The following IL17RD variants were observed in gnomAD, a reference collection of about 807,000 sequenced individuals.
IL17RD encodes the protein interleukin-17 receptor D.
Under a neutral mutation model 80.5 loss-of-function variants are expected in IL17RD, and 52 were observed. The observed-to-expected ratio is 0.65, with a 90% CI of 0.52 to 0.81. The LOEUF is 0.81. Among genes scored for constraint, IL17RD ranks in the 40% least tolerant of loss-of-function variants. IL17RD has a pLI of 0.00. For missense variants in IL17RD, 1,024 were observed against 955.1 expected (o/e 1.07, Z -0.95); for synonymous variants, 416 against 391.8 (o/e 1.06, Z -0.73).
intron 3 of IL17RD, among the ~76,000 whole-genome samples, chr3:57,113,488 C>T (rs957343940): frequency 9.2e-5 from 14 of 152,140 alleles, no homozygotes; most frequent in Admixed American, 5.9e-4. Context: ...CCACCTGCCT[C>T]GGCCTCCCTA....
intron 11 of IL17RD, among the ~76,000 whole-genome samples, chr3:57,100,741 C>T (rs1290063544): frequency 2.0e-5 from 3 of 152,176 alleles, no homozygotes; most frequent in Non-Finnish European, 2.9e-5. Flanking sequence ...TTCCCCTTCT[C>T]AGCAGAACTC....
intron 1 of IL17RD, among the ~76,000 whole-genome samples, chr3:57,139,439 A>G (rs1707789245): frequency 6.6e-6 from 1 of 151,822 alleles, no homozygotes; most frequent in African/African-American, 2.4e-5. Flanking sequence ...TTTTGAACTG[A>G]ATGTGAATTT....
chr3:57,117,098 A>G (rs1310608391), intron 2 of IL17RD, among the ~76,000 whole-genome samples: 1 of 145,740 alleles, frequency 6.9e-6, no homozygotes, highest in African/African-American at 2.5e-5. Flanking sequence ...TAGTTATGCA[A>G]TATAAAGTTT....
Position 57,092,628 on chromosome 3 carries a change from T to C in IL17RD, c.*3765A>G, listed in dbSNP as rs1706584797. ...GAAATTGTTCCCAGCATTTTTTAAA[T>C]TGAGAGAGCATAAATCTGATTCTGA... On this transcript the variant is annotated 3_prime_UTR_variant, in exon 13 of 13. Coordinates refer to ENST00000296318, the MANE Select transcript of IL17RD (RefSeq NM_017563.5). 6.6e-6 allele frequency: 1 copy of C among 152,118 alleles called. No homozygotes were observed. Among genetic ancestry groups the C allele is most frequent in the South Asian group, 2.1e-4 (1 of 4,824 alleles). The allele number at this position is 152,118 out of a possible 1,614,324, so 9.4% of individuals were successfully genotyped here.
rs757833260 is a variant in IL17RD, at chr3:57,098,371, C to A, written c.1332G>T (p.Ser444=). Residue 444 remains serine, a synonymous_variant, in exon 12 of 13, where the codon TCG becomes TCT. Coordinates refer to ENST00000296318, the MANE Select transcript of IL17RD (RefSeq NM_017563.5). ...CCACCAGGAAGAGCTCTCCTTTCCC[C>A]GAGCCTCGGCCACCTCCTTTGTGTT... is the stretch of plus-strand genomic sequence containing the variant. ...NYKHKGGGRG[S]GKGELFLVAV... 1 of 1,614,028 alleles carries A rather than the reference C, an allele frequency of 6.2e-7. No individual in the cohort carries two copies. Among genetic ancestry groups the A allele is most frequent in the African/African-American group, 1.3e-5 (1 of 75,054 alleles).
rs780144197 is a variant in IL17RD at position 57,097,794 on chromosome 3, G to T, written c.1909C>A (p.Leu637Ile). 13 of 1,604,820 alleles carry T rather than the reference G, an allele frequency of 8.1e-6. No homozygotes were observed. The highest frequency in any genetic ancestry group is 1.3e-5 in the African/African-American group (1 of 74,766). The change falls in exon 12 of 13, where the codon CTT (leucine) becomes ATT (isoleucine). Residue 637 changes from leucine (L) to isoleucine (I), a missense_variant. Coordinates refer to ENST00000296318, the MANE Select transcript of IL17RD (RefSeq NM_017563.5). The stretch of plus-strand genomic sequence containing the variant: ...GGTTGCAGGGCGGCGCTACCGTCAA[G>T]GGCAGGCCGGGCCTCCCCGTCTTGG... ...LDQDGEARPA[L>I]DGSAALQPLL...
intron 1 of IL17RD, among the ~76,000 whole-genome samples, chr3:57,124,323 A>G (rs1464980873): frequency 2.0e-5 from 3 of 152,200 alleles, no homozygotes; most frequent in Admixed American, 6.5e-5. Context: ...GCTATTTTAC[A>G]GAGCAAAAGG....
chr3:57,166,099 A>C (rs568684824), upstream of IL17RD, among the ~76,000 whole-genome samples: 6 of 152,290 alleles, frequency 3.9e-5, no homozygotes, highest in African/African-American at 1.4e-4. Context: ...AGTGGATATT[A>C]TTTCTGTTTG....
chr3:57,134,381 G>C (rs1707676703), intron 1 of IL17RD: 4 of 698,982 alleles, frequency 5.7e-6, no homozygotes, highest in Non-Finnish European at 1.1e-5. Flanking sequence ...GTAAGCGAAA[G>C]GGTACAGCCA....
chr3:57,147,079 C>T (rs963196356), intron 1 of IL17RD, among the ~76,000 whole-genome samples: 2 of 148,884 alleles, frequency 1.3e-5, no homozygotes, highest in Non-Finnish European at 3.0e-5. Context: ...TCAGGTGATT[C>T]GTCCACCTTG....
chr3:57,151,922 T>C (rs1195539893), intron 1 of IL17RD, among the ~76,000 whole-genome samples: 1 of 152,146 alleles, frequency 6.6e-6, no homozygotes, highest in Non-Finnish European at 1.5e-5. Context: ...ACCACTGCTC[T>C]AAATCAAAGT....
At chr3:57,109,501 T>C (rs1191913494) in intron 5 of IL17RD, 36 bp downstream of exon 5, 1 of 1,593,136 alleles carries the variant, frequency 6.3e-7, no homozygotes. Context: ...GAGAAAAGTC[T>C]TCTCATGGGA....
In IL17RD at chr3:57,103,115, CT is replaced by C; in HGVS notation, c.843del (p.Val282Ter). On this transcript the variant is annotated frameshift_variant, in exon 9 of 13. Transcript: ENST00000296318. LOFTEE classifies it high-confidence loss of function. ...CCTGGCTTTAAGGCATAATGCATCA[CT>C]TTTCTTGTTGTGTTAGTGTCATCCA... ...ELVDDTNTTR[K>X]VMHYALKPVH... The C allele has an allele frequency of 6.2e-7, 1 of 1,602,948 alleles. No individual in the cohort carries two copies. The highest frequency in any genetic ancestry group is 8.5e-7 in the Non-Finnish European group (1 of 1,174,242).
chr3:57,133,815 A>T (rs1707663499), intron 1 of IL17RD, among the ~76,000 whole-genome samples: 1 of 152,246 alleles, frequency 6.6e-6, no homozygotes, highest in Non-Finnish European at 1.5e-5. Context: ...GTGTGTTCCT[A>T]GTCCTCTCCT....
chr3:57,131,148 A>G (rs1247255671), intron 1 of IL17RD, among the ~76,000 whole-genome samples: 1 of 105,556 alleles, frequency 9.5e-6, no homozygotes, highest in Non-Finnish European at 1.9e-5. Flanking sequence ...ACCCCCTCCT[A>G]CCTCAGCTGT....
intron 1 of IL17RD, among the ~76,000 whole-genome samples, chr3:57,163,790 G>GGGCGGGGGGGGAAGGGGGT (rs2060323854): frequency 9.6e-6 from 1 of 104,258 alleles, no homozygotes; most frequent in Non-Finnish European, 1.9e-5. Flanking sequence ...TGGGGCGGGG[G>GGGCGGGGGGGGAAGGGGGT]GGCGGGGGGG....
At chr3:57,119,075 G>A (rs371428914) in intron 2 of IL17RD, among the ~76,000 whole-genome samples, 13 of 151,540 alleles carry the variant, frequency 8.6e-5, no homozygotes, top group Admixed American at 6.6e-4. Flanking sequence ...GTGTGTGGCC[G>A]GGCGCGGTGG....
At chr3:57,163,305 G>A (rs1301400065) in intron 1 of IL17RD, among the ~76,000 whole-genome samples, 3 of 152,200 alleles carry the variant, frequency 2.0e-5, no homozygotes, top group African/African-American at 7.2e-5. Context: ...AGGGGCTGTG[G>A]TGGAGAAAAC....
Position 57,158,766 on chromosome 3 carries a change from T to C in IL17RD, c.126+6395A>G, listed in dbSNP as rs150641439. On this transcript the variant is annotated intron_variant, in intron 1 of 12. Transcript: ENST00000296318. Reference sequence around the variant, plus strand: ...CATGGTACAAATGGAGTTTTTGTTATGTAGGTAATTTTTTAAATTGTTCAA... The same window carrying C: ...CATGGTACAAATGGAGTTTTTGTTACGTAGGTAATTTTTTAAATTGTTCAA... Among the ~76,000 whole-genome samples the C allele has an allele frequency of 1.1e-4, 17 of 152,400 alleles. No individual in the cohort carries two copies. In the East Asian group the frequency reaches 1.3e-3, roughly 12 times the overall value.
Sources: allele counts gnomAD v4.1 joint callset (sites outside exome capture counted in the v4.1 genomes callset), GRCh38; gene constraint gnomAD v4.1.1; transcripts MANE v1.5; gene names NCBI Gene and HGNC (gene_info 2026-07-23, HGNC 2026-07-21).